SLC25A13: variants seen among roughly 807,000 people sequenced by gnomAD.
SLC25A13 encodes the protein solute carrier family 25 member 13.
SLC25A13 carries 70 observed loss-of-function variants against 85.5 expected under a neutral mutation model. That is an observed-to-expected ratio of 0.82 (90% CI 0.68 to 1.00). The LOEUF is 1.00. SLC25A13 is among the 50% of genes least tolerant of loss of function. SLC25A13 has a pLI of 0.00. For missense variants in SLC25A13, 765 were observed against 819.8 expected, an observed-to-expected ratio of 0.93 and a Z score of 0.82; for synonymous variants, 259 against 288.7, an observed-to-expected ratio of 0.90 and a Z score of 1.04.
At chr7:96,296,821 G>T (rs1428743212) in intron 2 of SLC25A13, 77 bp downstream of exon 2, 2 of 1,372,328 alleles carry the variant, frequency 1.5e-6, no homozygotes, top group Non-Finnish European at 2.1e-6. Flanking sequence ...ACGAAATAAA[G>T]AGCTGTTTGA....
chr7:96,161,593 T>G lies in SLC25A13; in HGVS notation c.1311+8452A>C, dbSNP rs554524320. On this transcript the variant is annotated intron_variant, in intron 13 of 17. Transcript: ENST00000265631. ...TCATCCATATTTATAGATGTCTCAG[T>G]TCAGCCATTTACTCAAGGTCTGTGA... Among the ~76,000 whole-genome samples the G allele has an allele frequency of 5.3e-5, 8 of 152,338 alleles. No homozygotes were observed. In the South Asian group the frequency reaches 1.7e-3, roughly 32 times the overall value.
chr7:96,227,160 C>T (rs911331075), intron 4 of SLC25A13, among the ~76,000 whole-genome samples: 13 of 152,186 alleles, frequency 8.5e-5, no homozygotes, highest in Non-Finnish European at 1.6e-4. Flanking sequence ...TGGCAGTAGT[C>T]CTATCTGCAA....
At chr7:96,219,081 G>A (rs1229111893) in intron 4 of SLC25A13, among the ~76,000 whole-genome samples, 1 of 152,138 alleles carries the variant, frequency 6.6e-6, no homozygotes, top group Non-Finnish European at 1.5e-5. Context: ...CTTTTGACAA[G>A]TGCCTTTTTA....
intron 2 of SLC25A13, among the ~76,000 whole-genome samples, chr7:96,287,837 C>T (rs1254167451): frequency 2.6e-5 from 4 of 152,212 alleles, no homozygotes; most frequent in South Asian, 2.1e-4. Flanking sequence ...GTTCAAAGAA[C>T]GATGACTTCT....
In SLC25A13 at chr7:96,184,336, T is replaced by A; in HGVS notation, c.1118A>T (p.Asn373Ile). 6.2e-7 allele frequency: 1 copy of A among 1,614,178 alleles called. No homozygotes were observed. Among genetic ancestry groups the A allele is most frequent in the Non-Finnish European group, 8.5e-7 (1 of 1,180,026 alleles). Residue 373 changes from asparagine (N) to isoleucine (I), a missense_variant, in exon 11 of 18, where the codon AAC becomes ATC. Physicochemically the swap from Asn to Ile is moderately radical, Grantham distance 149. Coordinates refer to ENST00000265631, the MANE Select transcript of SLC25A13 (RefSeq NM_014251.3). Reference protein sequence around the residue: ...GSFVGELMYKNSFDCFKKVLR... With the variant: ...GSFVGELMYKISFDCFKKVLR... ...CACTTTCTTAAAACAGTCAAAGCTG[T>A]TTTTATACATGAGTTCTCCCACAAA...
Position 96,171,509 on chromosome 7 carries a change from A to G in SLC25A13, c.1193T>C (p.Leu398Ser), listed in dbSNP as rs1794000888. ...FGLYRGLLPQ[L>S]LGVAPEKAIK... ...GGCCTTCTCTGGGGCAACTCCCAAT[A>G]ACTGTGGCAACAGACCTAAAAATCA... Residue 398 changes from leucine (L) to serine (S), a missense_variant, in exon 12 of 18, where the codon TTA (leucine) becomes TCA (serine). Physicochemically the swap from Leu to Ser is moderately radical, Grantham distance 145 (BLOSUM62 -2). Coordinates refer to ENST00000265631, the MANE Select transcript of SLC25A13 (RefSeq NM_014251.3). The G allele has an allele frequency of 3.7e-6, 6 of 1,613,058 alleles. No homozygotes were observed. Among genetic ancestry groups the G allele is most frequent in the Middle Eastern group, 1.7e-4 (1 of 6,058 alleles).
chr7:96,134,085 G>A (rs1194820269), intron 14 of SLC25A13, among the ~76,000 whole-genome samples: 1 of 150,040 alleles, frequency 6.7e-6, no homozygotes, highest in African/African-American at 2.5e-5. Context: ...CTGGAATGCA[G>A]TGGCATGATC....
chr7:96,289,182 C>T (rs1027725353), intron 2 of SLC25A13, among the ~76,000 whole-genome samples: 1 of 152,224 alleles, frequency 6.6e-6, no homozygotes, highest in African/African-American at 2.4e-5. Context: ...TCCAACAGAC[C>T]TGCAGCTGAG....
At chr7:96,281,629 T>G (rs1798683389) in intron 2 of SLC25A13, among the ~76,000 whole-genome samples, 1 of 152,132 alleles carries the variant, frequency 6.6e-6, no homozygotes, top group Non-Finnish European at 1.5e-5. Flanking sequence ...TCTGGGATGC[T>G]CGTTACATGG....
At chr7:96,138,682 A>G (rs193195661) in intron 14 of SLC25A13, among the ~76,000 whole-genome samples, 1 of 152,138 alleles carries the variant, frequency 6.6e-6, no homozygotes, top group Admixed American at 6.5e-5. Flanking sequence ...TTGCCCCTTA[A>G]CATAGATCAT....
At chr7:96,171,235 C>T (rs1793986508) in intron 12 of SLC25A13, among the ~76,000 whole-genome samples, 1 of 152,192 alleles carries the variant, frequency 6.6e-6, no homozygotes, top group South Asian at 2.1e-4. Flanking sequence ...GCTGCTACTG[C>T]TGTGATGACA....
rs962082210 is a variant in SLC25A13 at position 96,277,339 on chromosome 7, C to T, written c.70-1G>A. 8.1e-6 allele frequency: 13 copies of T among 1,610,270 alleles called. No individual in the cohort carries two copies. The highest frequency in any genetic ancestry group is 2.7e-5 in the African/African-American group (2 of 74,634). On this transcript the variant is annotated splice_acceptor_variant, in intron 2 of 17. Coordinates refer to ENST00000265631, the MANE Select transcript of SLC25A13 (RefSeq NM_014251.3). LOFTEE classifies it high-confidence loss of function. ...CACCGTTTTTCTCAATGCTTGCATACTGTTTAAAAAAAAGAAAAACAGTAT... is the reference window on the plus strand; with the variant it reads ...CACCGTTTTTCTCAATGCTTGCATATTGTTTAAAAAAAAGAAAAACAGTAT...
At chr7:96,252,628 G>T (rs1797476149) in intron 3 of SLC25A13, among the ~76,000 whole-genome samples, 1 of 152,200 alleles carries the variant, frequency 6.6e-6, no homozygotes, top group Admixed American at 6.5e-5. Flanking sequence ...TCTGAGGGAT[G>T]CAAGGGAACA....
At chr7:96,283,088 C>A (rs999116038) in intron 2 of SLC25A13, among the ~76,000 whole-genome samples, 1 of 152,106 alleles carries the variant, frequency 6.6e-6, no homozygotes, top group African/African-American at 2.4e-5. Flanking sequence ...TGTTCTAAAC[C>A]CATTCTAACC....
intron 5 of SLC25A13, among the ~76,000 whole-genome samples, chr7:96,195,930 T>C (rs192428868): frequency 2.0e-5 from 3 of 152,346 alleles, no homozygotes; most frequent in Non-Finnish European, 4.4e-5. Context: ...AATCAGTTAT[T>C]CACATTCCTG....
At chr7:96,168,310 A>C (rs1793857382) in intron 13 of SLC25A13, among the ~76,000 whole-genome samples, 1 of 152,038 alleles carries the variant, frequency 6.6e-6, no homozygotes, top group Non-Finnish European at 1.5e-5. Context: ...TGAAAAGCTA[A>C]GGACCACTGT....
At chr7:96,247,363 A>G (rs1390392973) in intron 3 of SLC25A13, among the ~76,000 whole-genome samples, 1 of 152,206 alleles carries the variant, frequency 6.6e-6, no homozygotes. Flanking sequence ...AAAAAGAAAA[A>G]AAAAGTGCCC....
chr7:96,156,847 G>A (rs115659267), intron 13 of SLC25A13, among the ~76,000 whole-genome samples: 1,561 of 152,184 alleles, frequency 0.01, 19 homozygotes, highest in African/African-American at 0.034. Context: ...ATGCCCAGCC[G>A]TGAGAAATAT....
chr7:96,204,155 A>G (rs1261113056), intron 5 of SLC25A13, among the ~76,000 whole-genome samples: 1 of 152,228 alleles, frequency 6.6e-6, no homozygotes, highest in East Asian at 1.9e-4. Context: ...ATTCTTTTGC[A>G]TACAATATGT....
Sources: gnomAD v4.1 joint callset for allele counts (sites outside exome capture counted in the v4.1 genomes callset) on GRCh38, gnomAD v4.1.1 for gene constraint, MANE v1.5 for transcripts, NCBI Gene and HGNC (gene_info 2026-07-23, HGNC 2026-07-21) for gene names.